The following GALNT13 variants were observed in gnomAD, a reference collection of about 807,000 sequenced individuals.
GALNT13 encodes the protein polypeptide N-acetylgalactosaminyltransferase 13, also known as UDP-GalNAc:polypeptide N-acetylgalactosaminyltransferase 13.
Under a neutral mutation model 64.2 loss-of-function variants are expected in GALNT13, and 28 were observed. That is an observed-to-expected ratio of 0.44 (90% CI 0.32 to 0.60). GALNT13 has a LOEUF of 0.60. Among genes scored for constraint, GALNT13 ranks in the 20% least tolerant of loss-of-function variants. The pLI, the probability that GALNT13 is intolerant of heterozygous loss-of-function variation, is 0.05. For missense variants in GALNT13, 577 were observed against 669.8 expected (o/e 0.86, Z 1.53); for synonymous variants, 214 against 224.6 (o/e 0.95, Z 0.42).
chr2:153,709,980 G>A, the GALNT13 span, among the ~76,000 whole-genome samples: 1 of 152,038 alleles, frequency 6.6e-6, no homozygotes, highest in African/African-American at 2.4e-5. Context: ...CTGAGGCTGT[G>A]GGGTGGACGC....
the GALNT13 span, among the ~76,000 whole-genome samples, chr2:153,586,332 A>T: frequency 1.4e-4 from 21 of 152,242 alleles, no homozygotes; most frequent in Non-Finnish European, 2.9e-4. Flanking sequence ...ACACATATAG[A>T]TTGAAAGTAA....
At chr2:154,164,462 A>G (rs933437008) in intron 4 of GALNT13, among the ~76,000 whole-genome samples, 1 of 152,148 alleles carries the variant, frequency 6.6e-6, no homozygotes, top group Admixed American at 6.5e-5. Context: ...ACAAGAGGTA[A>G]TAGAAGCATG....
At chr2:154,326,225 G>T (rs117071937) in intron 9 of GALNT13, among the ~76,000 whole-genome samples, 1 of 151,544 alleles carries the variant, frequency 6.6e-6, no homozygotes, top group South Asian at 2.1e-4. Context: ...TGCCCTTCTG[G>T]CCTCTGTAAT....
chr2:154,291,466 C>G (rs533173061), intron 8 of GALNT13, among the ~76,000 whole-genome samples: 2 of 152,222 alleles, frequency 1.3e-5, no homozygotes, highest in Non-Finnish European at 2.9e-5. Flanking sequence ...TACCCAGAAG[C>G]CCAGCTGGCT....
intron 3 of GALNT13, among the ~76,000 whole-genome samples, chr2:154,113,303 C>T (rs186730522): frequency 6.6e-6 from 1 of 152,282 alleles, no homozygotes; most frequent in East Asian, 1.9e-4. Context: ...GATGATATGG[C>T]CCAAGTGGCA....
chr2:153,949,678 G>A (rs939136380), intron 3 of GALNT13, among the ~76,000 whole-genome samples: 6 of 152,014 alleles, frequency 3.9e-5, no homozygotes, highest in African/African-American at 1.4e-4. Flanking sequence ...TACAGAGTGG[G>A]GATGTGGCAA....
At chr2:153,537,357 T>C in the GALNT13 span, among the ~76,000 whole-genome samples, 1 of 152,132 alleles carries the variant, frequency 6.6e-6, no homozygotes, top group African/African-American at 2.4e-5. Context: ...AGGCAAGAGC[T>C]TGAACTAAGG....
intron 3 of GALNT13, among the ~76,000 whole-genome samples, chr2:154,071,768 G>A (rs140364879): frequency 1.9e-3 from 289 of 152,170 alleles, no homozygotes; most frequent in African/African-American, 6.2e-3. Context: ...TTATAAACGA[G>A]TGTCCTTTTT....
At chr2:153,597,174 A>C in the GALNT13 span, among the ~76,000 whole-genome samples, 1 of 152,088 alleles carries the variant, frequency 6.6e-6, no homozygotes, top group African/African-American at 2.4e-5. Context: ...TTTCAGGCAC[A>C]GTGCAAAATG....
chr2:153,413,522 T>A, the GALNT13 span, among the ~76,000 whole-genome samples: 1 of 152,128 alleles, frequency 6.6e-6, no homozygotes, highest in South Asian at 2.1e-4. Flanking sequence ...ATTGACTAAT[T>A]TCATCCATTG....
the GALNT13 span, among the ~76,000 whole-genome samples, chr2:153,536,604 T>A: frequency 1.3e-5 from 2 of 152,216 alleles, no homozygotes; most frequent in African/African-American, 2.4e-5. Context: ...TCATTTTTAT[T>A]TTTTACTATG....
At chr2:154,262,224 C>T (rs899764487) in intron 8 of GALNT13, among the ~76,000 whole-genome samples, 6 of 152,038 alleles carry the variant, frequency 3.9e-5, no homozygotes, top group East Asian at 1.9e-4. Flanking sequence ...AGAGTTGACC[C>T]GCAGCATTCT....
chr2:153,366,834 A>G, the GALNT13 span, among the ~76,000 whole-genome samples: 13 of 151,994 alleles, frequency 8.6e-5, no homozygotes, highest in Admixed American at 6.6e-5. Context: ...AGGCAGTCAT[A>G]GACAAAATTA....
At chr2:154,218,804 T>A (rs1688178914) in intron 4 of GALNT13, among the ~76,000 whole-genome samples, 1 of 152,156 alleles carries the variant, frequency 6.6e-6, no homozygotes, top group Non-Finnish European at 1.5e-5. Context: ...TTATCTATTA[T>A]GCCTAATTTT....
the GALNT13 span, among the ~76,000 whole-genome samples, chr2:153,765,242 G>A: frequency 8.7e-4 from 133 of 152,256 alleles, no homozygotes; most frequent in African/African-American, 2.9e-3. Flanking sequence ...TGCAGACAAC[G>A]CCAGCCTGTG....
the GALNT13 span, among the ~76,000 whole-genome samples, chr2:153,156,316 C>T: frequency 7.7e-4 from 118 of 152,262 alleles, no homozygotes; most frequent in African/African-American, 2.8e-3. Flanking sequence ...ATCAGAAACA[C>T]ATAGTTCGAA....
intron 3 of GALNT13, among the ~76,000 whole-genome samples, chr2:154,051,360 G>A (rs1025658963): frequency 1.4e-5 from 2 of 139,494 alleles, no homozygotes; most frequent in African/African-American, 5.4e-5. Flanking sequence ...GCGCAATCTC[G>A]GCTCCCTGCA....
At chr2:153,095,127 G>A in the GALNT13 span, among the ~76,000 whole-genome samples, 13 of 152,106 alleles carry the variant, frequency 8.5e-5, no homozygotes, top group African/African-American at 3.1e-4. Flanking sequence ...GAAAATTTTT[G>A]CAATCTACCC....
chr2:153,731,812 G>A, the GALNT13 span, among the ~76,000 whole-genome samples: 6 of 151,434 alleles, frequency 4.0e-5, no homozygotes, highest in African/African-American at 9.7e-5. Context: ...TGAGAAAGAC[G>A]CTCTCTAAAT....
Sources: gnomAD v4.1 joint callset for allele counts (sites outside exome capture counted in the v4.1 genomes callset) on GRCh38, gnomAD v4.1.1 for gene constraint, MANE v1.5 for transcripts, NCBI Gene and HGNC (gene_info 2026-07-23, HGNC 2026-07-21) for gene names.